BCAR3: variants seen among roughly 807,000 people sequenced by gnomAD.
BCAR3 encodes breast cancer anti-estrogen resistance protein 3.
BCAR3 carries 37 observed loss-of-function variants against 80.1 expected under a neutral mutation model. That is an observed-to-expected ratio of 0.46 (90% CI 0.36 to 0.61). The LOEUF (loss-of-function observed/expected upper bound fraction) is 0.61. Ranked by LOEUF, BCAR3 falls within the 20% of genes least tolerant of loss-of-function variation. The pLI is 0.00. For missense variants in BCAR3, 978 were observed against 1,068.2 expected (o/e 0.92, Z 1.18); for synonymous variants, 389 against 418.9 (o/e 0.93, Z 0.87).
intron 2 of BCAR3, among the ~76,000 whole-genome samples, chr1:93,671,422 A>G (rs575970798): frequency 1.3e-3 from 195 of 152,314 alleles, no homozygotes; most frequent in African/African-American, 4.6e-3. Flanking sequence ...AAGATAGAGG[A>G]GGCAGGAGAC....
intron 3 of BCAR3, among the ~76,000 whole-genome samples, chr1:93,705,304 G>C (rs1485944755): frequency 6.6e-6 from 1 of 152,150 alleles, no homozygotes; most frequent in Non-Finnish European, 1.5e-5. Flanking sequence ...CTGTGACATT[G>C]ACTTTGAATG....
At chr1:93,564,838 T>G (rs1474628867) in intron 11 of BCAR3, among the ~76,000 whole-genome samples, 1 of 152,212 alleles carries the variant, frequency 6.6e-6, no homozygotes, top group Non-Finnish European at 1.5e-5. Flanking sequence ...GCCTATTTCT[T>G]AACTCTATTC....
intron 2 of BCAR3, among the ~76,000 whole-genome samples, chr1:93,789,986 G>T (rs567029066): frequency 6.6e-6 from 1 of 152,238 alleles, no homozygotes; most frequent in South Asian, 2.1e-4. Context: ...TTAATGGGAA[G>T]CCCTTCCCCA....
At chr1:93,593,026 A>C (rs934785410) in intron 3 of BCAR3, among the ~76,000 whole-genome samples, 18 of 152,232 alleles carry the variant, frequency 1.2e-4, no homozygotes, top group African/African-American at 4.1e-4. Context: ...AAGTGAAACA[A>C]ATTTAAAAAG....
At chr1:93,695,527 C>T (rs1194531880) in intron 3 of BCAR3, among the ~76,000 whole-genome samples, 4 of 152,200 alleles carry the variant, frequency 2.6e-5, no homozygotes, top group African/African-American at 9.7e-5. Context: ...CTCTTTCTCT[C>T]TATCTTTAAT....
Position 93,718,741 on chromosome 1 carries a change from G to A in BCAR3, c.-62-12599C>T, listed in dbSNP as rs962950498. ...ACGGGGTTTGGCTCTGTTACCCCAT[G>A]CTGGAGTGTGGTAGCATGATCTCGG... is the stretch of plus-strand genomic sequence containing the variant. On this transcript the variant is annotated intron_variant, in intron 2 of 13. Coordinates refer to the BCAR3 transcript ENST00000370244. Among the ~76,000 whole-genome samples, 5 of 122,614 alleles carry A rather than the reference G, an allele frequency of 4.1e-5. No individual in the cohort carries two copies. The East Asian group carries it at 1.2e-3, about 30-fold the overall frequency. The allele number at this position is 122,614 out of a possible 152,430, so 80.4% of individuals were successfully genotyped here.
chr1:93,672,942 C>G (rs1383891233), intron 2 of BCAR3, among the ~76,000 whole-genome samples: 1 of 152,236 alleles, frequency 6.6e-6, no homozygotes, highest in African/African-American at 2.4e-5. Flanking sequence ...ATGTGCTACA[C>G]TCCAGCCACA....
intron 3 of BCAR3, among the ~76,000 whole-genome samples, chr1:93,619,869 G>A (rs187870842): frequency 8.5e-5 from 13 of 152,316 alleles, no homozygotes; most frequent in African/African-American, 2.2e-4. Context: ...GCTAGAGAGC[G>A]AGCCAGGATG....
At chr1:93,648,983 G>A (rs1172305032) in intron 2 of BCAR3, among the ~76,000 whole-genome samples, 2 of 152,308 alleles carry the variant, frequency 1.3e-5, no homozygotes, top group South Asian at 4.1e-4. Context: ...ACTGTTCCCT[G>A]CTTTAGAGGG....
chr1:93,845,113 C>T (rs763845358), intron 2 of BCAR3, among the ~76,000 whole-genome samples: 67 of 152,160 alleles, frequency 4.4e-4, no homozygotes, highest in Middle Eastern at 6.8e-3. Flanking sequence ...TTTCCCAATT[C>T]CCCCTTTCCA....
intron 2 of BCAR3, among the ~76,000 whole-genome samples, chr1:93,841,628 T>C (rs1454608003): frequency 3.9e-5 from 6 of 152,266 alleles, no homozygotes; most frequent in Non-Finnish European, 7.3e-5. Flanking sequence ...TTTTCCTTCA[T>C]GACTAGACTT....
chr1:93,812,549 A>T (rs1653884738), intron 2 of BCAR3, among the ~76,000 whole-genome samples: 1 of 152,154 alleles, frequency 6.6e-6, no homozygotes, highest in Non-Finnish European at 1.5e-5. Flanking sequence ...ACTGTTTTCT[A>T]GGTCTTTGCT....
At chr1:93,812,669 A>G (rs1379015789) in intron 2 of BCAR3, among the ~76,000 whole-genome samples, 1 of 152,192 alleles carries the variant, frequency 6.6e-6, no homozygotes, top group Non-Finnish European at 1.5e-5. Context: ...GAGGCACCAC[A>G]GGGTCAACCC....
intron 2 of BCAR3, among the ~76,000 whole-genome samples, chr1:93,790,917 T>G (rs1422383115): frequency 2.8e-5 from 2 of 71,410 alleles, no homozygotes; most frequent in Admixed American, 1.6e-4. Context: ...GGTTTTTTGT[T>G]CTTGCGATAG....
At chr1:93,835,354 T>A (rs1031170458) in intron 2 of BCAR3, among the ~76,000 whole-genome samples, 1 of 152,220 alleles carries the variant, frequency 6.6e-6, no homozygotes, top group Non-Finnish European at 1.5e-5. Flanking sequence ...GCAACGCTTA[T>A]GCTGATAAGG....
chr1:93,684,170 T>C (rs1040036081), upstream of BCAR3, among the ~76,000 whole-genome samples: 2 of 152,228 alleles, frequency 1.3e-5, no homozygotes, highest in Non-Finnish European at 2.9e-5. Flanking sequence ...CCAGCTAGTA[T>C]ATTTCTAAAT....
At chr1:93,615,712 T>C (rs147790818) in intron 3 of BCAR3, among the ~76,000 whole-genome samples, 12 of 152,266 alleles carry the variant, frequency 7.9e-5, no homozygotes, top group African/African-American at 2.9e-4. Context: ...TTCCGTTAGA[T>C]GGAGTTCAAA....
intron 2 of BCAR3, among the ~76,000 whole-genome samples, chr1:93,778,454 T>C (rs904806215): frequency 1.3e-5 from 2 of 152,198 alleles, no homozygotes; most frequent in Non-Finnish European, 2.9e-5. Context: ...ATTATATATA[T>C]AGTGAATAGT....
Position 93,582,962 on chromosome 1 carries a change from G to T in BCAR3, c.1034-9C>A, listed in dbSNP as rs769724740. 64 of 1,573,330 alleles carry T rather than the reference G, an allele frequency of 4.1e-5. No homozygotes were observed. The highest frequency in any genetic ancestry group is 5.4e-5 in the African/African-American group (4 of 74,222). On this transcript the variant is annotated splice_polypyrimidine_tract_variant and intron_variant, in intron 6 of 11. Coordinates refer to ENST00000260502, the MANE Select transcript of BCAR3 (RefSeq NM_003567.4). ...AGGTGGCAGCTTGCAGCCTGTGGGG[G>T]ATAAGAAAAGGTCAGAGAAAGCTCA...
Sources: gnomAD v4.1 joint callset for allele counts (sites outside exome capture counted in the v4.1 genomes callset) on GRCh38, gnomAD v4.1.1 for gene constraint, MANE v1.5 for transcripts, NCBI Gene and HGNC (gene_info 2026-07-23, HGNC 2026-07-21) for gene names.